Variants in LUC7L2 observed in about 807,000 individuals in gnomAD.
LUC7L2 encodes LUC7 like 2, pre-mRNA splicing factor, also known as putative RNA-binding protein Luc7-like 2.
A neutral mutation model predicts 52.8 loss-of-function variants in LUC7L2; 25 were observed. That is an observed-to-expected ratio of 0.47 (90% confidence interval 0.34 to 0.66). The LOEUF (loss-of-function observed/expected upper bound fraction) is 0.66, where lower values mean the gene tolerates loss of function less well. LUC7L2 is among the 30% of genes least tolerant of loss of function. The pLI is 0.01. For synonymous variants in LUC7L2, 144 were observed against 160.9 expected, an observed-to-expected ratio of 0.89 and a Z score of 0.80; for missense variants, 328 against 497.8, an observed-to-expected ratio of 0.66 and a Z score of 3.25.
chr7:139,369,129 A>T (rs1450950743), intron 1 of LUC7L2, among the ~76,000 whole-genome samples: 1 of 152,072 alleles, frequency 6.6e-6, no homozygotes, highest in Non-Finnish European at 1.5e-5. Flanking sequence ...ATTTTCAGCT[A>T]TTGCTTGATA....
At chr7:139,418,861 T>C (rs1259352608) in intron 9 of LUC7L2, among the ~76,000 whole-genome samples, 1 of 152,190 alleles carries the variant, frequency 6.6e-6, no homozygotes, top group African/African-American at 2.4e-5. Context: ...CTCACGCTTA[T>C]AATCCCAGCA....
chr7:139,376,955 C>T (rs1003514825), intron 2 of LUC7L2, among the ~76,000 whole-genome samples: 5 of 152,060 alleles, frequency 3.3e-5, no homozygotes, highest in Non-Finnish European at 7.4e-5. Flanking sequence ...GTGGTTTCTT[C>T]TTTGATAGGA....
intron 8 of LUC7L2, 50 bp downstream of exon 8, chr7:139,412,630 A>C: frequency 6.4e-7 from 1 of 1,551,408 alleles, no homozygotes; most frequent in Non-Finnish European, 8.7e-7. Context: ...GTCTTTTTCA[A>C]AGGTAGTTTT....
At chr7:139,371,385 A>G in intron 1 of LUC7L2, 2 of 997,416 alleles carry the variant, frequency 2.0e-6, no homozygotes, top group Non-Finnish European at 3.1e-6. Flanking sequence ...ACTTTTGCTT[A>G]GCCTTCACAG....
At chr7:139,399,453 T>A (rs1012017331) in intron 3 of LUC7L2, among the ~76,000 whole-genome samples, 4 of 39,208 alleles carry the variant, frequency 1.0e-4, no homozygotes, top group African/African-American at 5.1e-4. Context: ...TGGGGGATTT[T>A]TTTTTTTTTT....
upstream of LUC7L2, chr7:139,359,856 G>A (rs1057242954): frequency 7.3e-6 from 3 of 408,822 alleles, no homozygotes; most frequent in Non-Finnish European, 1.3e-5. Flanking sequence ...AGTTGGTGGA[G>A]CCCCCGCGGG....
chr7:139,403,367 A>G, intron 4 of LUC7L2, among the ~76,000 whole-genome samples: 1 of 152,218 alleles, frequency 6.6e-6, no homozygotes. Context: ...CAGTATGATC[A>G]AGTGTGTTTT....
intron 1 of LUC7L2, among the ~76,000 whole-genome samples, chr7:139,370,620 A>G (rs1800396412): frequency 6.6e-6 from 1 of 151,950 alleles, no homozygotes; most frequent in African/African-American, 2.4e-5. Context: ...ACACCCAGCT[A>G]ATTTTTATAT....
chr7:139,374,949 C>G, intron 1 of LUC7L2: 3 of 988,106 alleles, frequency 3.0e-6, no homozygotes, highest in Non-Finnish European at 3.6e-6. Context: ...CCAGGCATAT[C>G]ATGTGAAATA....
chr7:139,363,372 T>A (rs891433489), intron 1 of LUC7L2: 6 of 389,384 alleles, frequency 1.5e-5, no homozygotes. Flanking sequence ...TAAGGCATCA[T>A]GGGCTAAGGA....
intron 1 of LUC7L2, among the ~76,000 whole-genome samples, chr7:139,342,317 G>A (rs1290051656): frequency 6.6e-6 from 1 of 152,126 alleles, no homozygotes; most frequent in East Asian, 1.9e-4. Context: ...AGGTTTTCCG[G>A]AGGAAATTAA....
chr7:139,412,834 A>G (rs1795424189), intron 8 of LUC7L2: 2 of 227,958 alleles, frequency 8.8e-6, no homozygotes, highest in South Asian at 1.8e-4. Flanking sequence ...TTAAAAAAAA[A>G]AAAAAAAAAA....
chr7:139,406,711 ATC>A (rs956395208), intron 5 of LUC7L2, among the ~76,000 whole-genome samples: 2 of 151,900 alleles, frequency 1.3e-5, no homozygotes, highest in African/African-American at 4.8e-5. Flanking sequence ...CTTTCAGAAA[ATC>A]TCTCTAAGTT....
At chr7:139,388,453 C>G (rs1794300249) in intron 2 of LUC7L2, among the ~76,000 whole-genome samples, 1 of 151,586 alleles carries the variant, frequency 6.6e-6, no homozygotes, top group Non-Finnish European at 1.5e-5. Flanking sequence ...CACAATGTGC[C>G]CCATTTCTCT....
intron 1 of LUC7L2, chr7:139,363,036 T>C (rs545232098): frequency 7.1e-4 from 112 of 158,656 alleles, no homozygotes; most frequent in African/African-American, 2.6e-3. Flanking sequence ...GTGGTGGAAG[T>C]TGGGGGCTTT....
chr7:139,421,090 C>T (rs1292530884), intron 9 of LUC7L2, among the ~76,000 whole-genome samples: 14 of 152,160 alleles, frequency 9.2e-5, no homozygotes, highest in Admixed American at 2.6e-4. Context: ...CGTGAGTCAC[C>T]GTGCCCAGTC....
At chr7:139,388,551 A>G (rs1005598726) in intron 2 of LUC7L2, among the ~76,000 whole-genome samples, 3 of 151,698 alleles carry the variant, frequency 2.0e-5, no homozygotes, top group Admixed American at 6.6e-5. Context: ...ATCTTCTGGA[A>G]AAATGCTTGA....
At chr7:139,403,544 G>A (rs1335690253) in intron 4 of LUC7L2, among the ~76,000 whole-genome samples, 1 of 151,994 alleles carries the variant, frequency 6.6e-6, no homozygotes, top group Non-Finnish European at 1.5e-5. Context: ...GATGGGGACT[G>A]GAAAGACGGG....
chr7:139,364,755 T>A (rs1800065987), intron 1 of LUC7L2, among the ~76,000 whole-genome samples: 1 of 152,250 alleles, frequency 6.6e-6, no homozygotes, highest in South Asian at 2.1e-4. Context: ...AATCAAAGTT[T>A]GAAGTAGTGC....
Sources: gnomAD v4.1 joint callset for allele counts (sites outside exome capture counted in the v4.1 genomes callset) on GRCh38, gnomAD v4.1.1 for gene constraint, MANE v1.5 for transcripts, NCBI Gene and HGNC (gene_info 2026-07-23, HGNC 2026-07-21) for gene names.